NTN1: variants seen among roughly 807,000 people sequenced by gnomAD.
The protein encoded by NTN1 is netrin 1.
In NTN1, 11 loss-of-function variants were observed where a neutral mutation model predicts 54.2. That is an observed-to-expected ratio of 0.20 (90% confidence interval 0.13 to 0.34). NTN1 has a LOEUF of 0.34. NTN1 is among the 10% of genes least tolerant of loss of function. The pLI, the probability that NTN1 is intolerant of heterozygous loss-of-function variation, is 1.00. For synonymous variants in NTN1, 371 were observed against 382.0 expected (o/e 0.97, Z 0.33); for missense variants, 740 against 893.1 (o/e 0.83, Z 2.18).
In NTN1 at chr17:9,240,659, G is replaced by A. The variant is rs1906180510; in HGVS notation, c.*691G>A. 6.5e-6 allele frequency: 1 copy of A among 153,116 alleles called. No homozygotes were observed. Among genetic ancestry groups the A allele is most frequent in the Middle Eastern group, 3.3e-3 (1 of 304 alleles). The allele number at this position is 153,116 out of a possible 1,614,324, so 9.5% of individuals were successfully genotyped here. ...TGCTACCTGCTGAGTGGGTCCTACT[G>A]GGTGGGGGCTTGGGGTCGGTGAGTG... On this transcript the variant is annotated 3_prime_UTR_variant, in exon 7 of 7. Transcript: ENST00000173229.
At chr17:9,141,293 GA>G (rs1020040119) in intron 2 of NTN1, among the ~76,000 whole-genome samples, 1 of 151,960 alleles carries the variant, frequency 6.6e-6, no homozygotes, top group African/African-American at 2.4e-5. Context: ...CAGCTTTAAT[GA>G]GGGGGGGGAG....
chr17:9,054,722 C>T (rs1466529367), intron 2 of NTN1, among the ~76,000 whole-genome samples: 5 of 151,578 alleles, frequency 3.3e-5, no homozygotes, highest in Non-Finnish European at 5.9e-5. Flanking sequence ...CAGGGGACGA[C>T]GAGGGGCTAT....
chr17:9,052,029 A>G (rs2091962245), intron 2 of NTN1, among the ~76,000 whole-genome samples: 1 of 152,100 alleles, frequency 6.6e-6, no homozygotes, highest in South Asian at 2.1e-4. Flanking sequence ...CTGGTATGCA[A>G]TGATGCGATC....
At chr17:9,026,708 A>T (rs561323222) in intron 2 of NTN1, among the ~76,000 whole-genome samples, 38 of 151,174 alleles carry the variant, frequency 2.5e-4, no homozygotes, top group African/African-American at 9.0e-4. Context: ...TGTTTCATAA[A>T]TTATCGACAT....
intron 2 of NTN1, among the ~76,000 whole-genome samples, chr17:9,151,665 TAAGAG>T (rs1567722935): frequency 1.3e-5 from 2 of 152,276 alleles, no homozygotes; most frequent in Admixed American, 6.5e-5. Context: ...AAGAGAGACT[TAAGAG>T]AGGTGTATGG....
intron 2 of NTN1, among the ~76,000 whole-genome samples, chr17:9,030,017 T>G (rs908769619): frequency 1.3e-4 from 20 of 151,938 alleles, no homozygotes; most frequent in African/African-American, 4.4e-4. Flanking sequence ...GTTACATAAT[T>G]TATGTGAATT....
chr17:9,141,601 G>A (rs2092297996), intron 2 of NTN1, among the ~76,000 whole-genome samples: 1 of 152,118 alleles, frequency 6.6e-6, no homozygotes, highest in Admixed American at 6.6e-5. Flanking sequence ...AGTACCTAGG[G>A]AGATGTGGGG....
chr17:9,077,164 A>C (rs1255093146), intron 2 of NTN1, among the ~76,000 whole-genome samples: 1 of 152,200 alleles, frequency 6.6e-6, no homozygotes, highest in African/African-American at 2.4e-5. Context: ...TGTCTCTAAA[A>C]CATGGATGTC....
At chr17:9,152,731 G>A (rs929612960) in intron 2 of NTN1, among the ~76,000 whole-genome samples, 2 of 152,180 alleles carry the variant, frequency 1.3e-5, no homozygotes, top group Non-Finnish European at 1.5e-5. Context: ...AGGAGTTTGG[G>A]TATCATGAGT....
At position 9,032,074 on chromosome 17, in the gene NTN1, C is replaced by T. The variant is rs533436304; in HGVS notation, c.1018+8683C>T. On this transcript the variant is annotated intron_variant, in intron 2 of 6. Coordinates refer to ENST00000173229, the MANE Select transcript of NTN1 (RefSeq NM_004822.3). ...GGCTGTGCACGTGAGAAGGTGCAGA[C>T]GTGTCCACTTGCACTAACCCTGAAC... Among the ~76,000 whole-genome samples, 9 of 152,220 alleles carry T rather than the reference C, an allele frequency of 5.9e-5. No homozygotes were observed. The East Asian group carries it at 1.2e-3, about 20-fold the overall frequency.
At chr17:9,082,068 G>C (rs1394505104) in intron 2 of NTN1, among the ~76,000 whole-genome samples, 1 of 152,020 alleles carries the variant, frequency 6.6e-6, no homozygotes, top group Non-Finnish European at 1.5e-5. Flanking sequence ...TTTTTTGTTT[G>C]TTTGTTTTTG....
At chr17:9,106,233 G>C (rs2092165530) in intron 2 of NTN1, among the ~76,000 whole-genome samples, 1 of 152,184 alleles carries the variant, frequency 6.6e-6, no homozygotes, top group Admixed American at 6.5e-5. Flanking sequence ...GGGTGAGATG[G>C]AGCAGTCGTA....
Position 9,022,633 on chromosome 17 carries a change from G to T in NTN1, c.260G>T (p.Arg87Leu), listed in dbSNP as rs1247787617. Residue 87 changes from arginine to leucine, a missense_variant, in exon 2 of 7, where the codon CGG (arginine) becomes CTG (leucine). Arg to Leu is a moderately radical substitution (Grantham distance 102). Transcript: ENST00000173229. Reference protein sequence around the residue: ...YCVVSERGEERLRSCHLCNAS... With the variant: ...YCVVSERGEELLRSCHLCNAS... ...GTGGTGAGCGAGCGCGGCGAGGAGC[G>T]GCTGCGCTCGTGCCACCTCTGCAAC... 2 of 1,555,896 alleles carry T rather than the reference G, an allele frequency of 1.3e-6. No individual in the cohort carries two copies. Among genetic ancestry groups the T allele is most frequent in the Non-Finnish European group, 1.7e-6 (2 of 1,151,252 alleles).
At chr17:9,191,190 G>C (rs1390147585) in intron 5 of NTN1, among the ~76,000 whole-genome samples, 1 of 152,192 alleles carries the variant, frequency 6.6e-6, no homozygotes, top group Non-Finnish European at 1.5e-5. Flanking sequence ...GCCGGGCGTG[G>C]TGGCTCACGC....
In NTN1 at chr17:9,211,707, T is replaced by C. The variant is rs1284218113; in HGVS notation, c.1412-9461T>C. Among the ~76,000 whole-genome samples the C allele has an allele frequency of 6.6e-6, 1 of 152,240 alleles. No individual in the cohort carries two copies. Among genetic ancestry groups the C allele is most frequent in the African/African-American group, 2.4e-5 (1 of 41,464 alleles). On this transcript the variant is annotated intron_variant, in intron 5 of 6. Coordinates refer to ENST00000173229, the MANE Select transcript of NTN1 (RefSeq NM_004822.3). This position sits in a 1 kb window ranked among gnomAD's most constrained non-coding sequence, Gnocchi z 4.4. The stretch of plus-strand genomic sequence containing the variant: ...CAGCCATATCGTGTGAGTGTGTGTA[T>C]GCTTGCCTTCACCAGTTTGCTAGGC...
At chr17:9,230,229 A>T (rs149611003) in intron 6 of NTN1, among the ~76,000 whole-genome samples, 3,456 of 152,162 alleles carry the variant, frequency 0.023, 43 homozygotes, top group Non-Finnish European at 0.031. Context: ...TTAGAGGAGC[A>T]CCCTGGGGGC....
intron 2 of NTN1, among the ~76,000 whole-genome samples, chr17:9,133,396 G>A (rs1163028436): frequency 6.6e-6 from 1 of 152,218 alleles, no homozygotes; most frequent in Non-Finnish European, 1.5e-5. Flanking sequence ...CAGGAGCAGG[G>A]CCATCTCTCC....
intron 5 of NTN1, among the ~76,000 whole-genome samples, chr17:9,218,646 C>T (rs1168586844): frequency 1.3e-5 from 2 of 151,602 alleles, no homozygotes; most frequent in Non-Finnish European, 2.9e-5. Context: ...GCCCCGCCCC[C>T]CACCCCCGGG....
chr17:9,127,645 G>T (rs967905267), intron 2 of NTN1, among the ~76,000 whole-genome samples: 1 of 152,102 alleles, frequency 6.6e-6, no homozygotes, highest in Admixed American at 6.6e-5. Context: ...GGCACAGGGG[G>T]CTGGAGAGGC....
Sources: gnomAD v4.1 joint callset for allele counts (sites outside exome capture counted in the v4.1 genomes callset) on GRCh38, gnomAD v4.1.1 for gene constraint, Gnocchi (gnomAD v3.1) non-coding constraint, MANE v1.5 for transcripts, NCBI Gene and HGNC (gene_info 2026-07-23, HGNC 2026-07-21) for gene names.